DCAF17: variants seen among roughly 807,000 people sequenced by gnomAD.
The protein encoded by DCAF17 is DDB1 and CUL4 associated factor 17, also known as DDB1- and CUL4-associated factor 17.
DCAF17 carries 48 observed loss-of-function variants against 66.0 expected under a neutral mutation model. That is an observed-to-expected ratio of 0.73 (90% CI 0.58 to 0.92). The LOEUF (loss-of-function observed/expected upper bound fraction) is 0.92, where lower values mean the gene tolerates loss of function less well. Among genes scored for constraint, DCAF17 ranks in the 40% least tolerant of loss-of-function variants. DCAF17 has a pLI of 0.00. For synonymous variants in DCAF17, 206 were observed against 214.6 expected (o/e 0.96, Z 0.35); for missense variants, 562 against 622.8 (o/e 0.90, Z 1.04).
chr2:171,477,179 G>C (rs1477650081), intron 11 of DCAF17, among the ~76,000 whole-genome samples: 7 of 151,964 alleles, frequency 4.6e-5, no homozygotes, highest in African/African-American at 1.5e-4. Context: ...CTTCTTTTCT[G>C]AGTTTCCTTT....
rs1243103584 is a variant in DCAF17 at position 171,443,564 on chromosome 2, G to T, written c.272G>T (p.Cys91Phe). Residue 91 changes from cysteine (C) to phenylalanine (F), a missense_variant, in exon 3 of 14, where the codon TGT becomes TTT. By Grantham distance (205) the Cys-to-Phe change is radical. This residue lies in a region of DCAF17 where 348 missense variants were observed against 355.9 expected (regional missense o/e 0.98). Transcript: ENST00000375255. ...EPRKLYEMPK[C>F]SKSEKIEDAL... ...AGAAAACTTTATGAAATGCCAAAATGTTCCAAATCAGAAAAAATAGAGGAT... is the reference window on the plus strand; with the variant it reads ...AGAAAACTTTATGAAATGCCAAAATTTTCCAAATCAGAAAAAATAGAGGAT... 1.9e-6 allele frequency: 3 copies of T among 1,612,892 alleles called. No individual in the cohort carries two copies. In the Admixed American group the frequency reaches 5.0e-5, roughly 27 times the overall value.
At chr2:171,443,642 C>T in intron 3 of DCAF17, 29 bp downstream of exon 3, 2 of 1,582,098 alleles carry the variant, frequency 1.3e-6, no homozygotes, top group Non-Finnish European at 1.7e-6. Flanking sequence ...GCGTTTGTTT[C>T]TAAAGCATTT....
At position 171,483,095 on chromosome 2, in the gene DCAF17, A is replaced by G. The variant is rs1455531597; in HGVS notation, c.*1981A>G. The G allele has an allele frequency of 2.2e-6, 1 of 454,130 alleles. No homozygotes were observed. The highest frequency in any genetic ancestry group is 4.4e-6 in the Non-Finnish European group (1 of 226,792). The allele number at this position is 454,130 out of a possible 1,614,324, so 28.1% of individuals were successfully genotyped here. A position where few individuals can be genotyped will look rare whatever the true frequency, so the allele number is the denominator to read the frequency against. On this transcript the variant is annotated 3_prime_UTR_variant, in exon 14 of 14. Coordinates refer to ENST00000375255, the MANE Select transcript of DCAF17 (RefSeq NM_025000.4). ...ACAAGATAGATGGTAAAAAGATGCCAGAAGATACAGAAGATAGCAAAGAAT... is the reference window on the plus strand; with the variant it reads ...ACAAGATAGATGGTAAAAAGATGCCGGAAGATACAGAAGATAGCAAAGAAT...
intron 5 of DCAF17, among the ~76,000 whole-genome samples, chr2:171,450,848 C>G (rs1474921535): frequency 1.3e-5 from 2 of 151,930 alleles, no homozygotes; most frequent in African/African-American, 4.8e-5. Flanking sequence ...TTTTATCATC[C>G]CATTTTACAG....
At chr2:171,434,887 C>A in intron 1 of DCAF17, 184 bp downstream of exon 1, 1 of 1,089,560 alleles carries the variant, frequency 9.2e-7, no homozygotes, top group Non-Finnish European at 1.3e-6. Context: ...TTTAGTTTTA[C>A]GCTTCTTATG....
intron 6 of DCAF17, 75 bp from the exon 7 acceptor site, chr2:171,457,896 A>G: frequency 8.6e-7 from 1 of 1,158,094 alleles, no homozygotes; most frequent in South Asian, 1.2e-5. Context: ...AAGCAAGAGT[A>G]CAAACCACTG....
In DCAF17 at chr2:171,483,768, ATTATC is replaced by A; in HGVS notation, c.*2657_*2661del. On this transcript the variant is annotated 3_prime_UTR_variant, in exon 14 of 14. Coordinates refer to ENST00000375255, the MANE Select transcript of DCAF17 (RefSeq NM_025000.4). ...ATAACCACATGAAGTATGAACTGCC[ATTATC>A]TTTCCCCTTTGTACAAATGAGGAAA... 2.2e-6 allele frequency: 1 copy of A among 454,088 alleles called. No homozygotes were observed. The highest frequency in any genetic ancestry group is 1.6e-5 in the South Asian group (1 of 64,472). The allele number at this position is 454,088 out of a possible 1,614,324, so 28.1% of individuals were successfully genotyped here.
rs373435062 is a variant in DCAF17, at chr2:171,468,890, A to G, written c.841A>G (p.Met281Val). The G allele has an allele frequency of 6.2e-6, 10 of 1,614,024 alleles. No individual in the cohort carries two copies. The highest frequency in any genetic ancestry group is 3.3e-5 in the Admixed American group (2 of 60,004). ...GIPCNIKITD[M>V]PPLLFEVSSL... Reference sequence around the variant, plus strand: ...AATTCCTTTTCCTGTCTCTACAGACATGCCACCACTGCTCTTTGAGGTGTC... The same window carrying G: ...AATTCCTTTTCCTGTCTCTACAGACGTGCCACCACTGCTCTTTGAGGTGTC... Residue 281 changes from methionine to valine, a missense_variant and splice_region_variant, in exon 9 of 14, where the codon ATG becomes GTG. By Grantham distance (21) the Met-to-Val change is conservative. Transcript: ENST00000375255.
At chr2:171,435,547 CTTT>C (rs35241834) in intron 2 of DCAF17, among the ~76,000 whole-genome samples, 3 of 136,534 alleles carry the variant, frequency 2.2e-5, no homozygotes, top group Non-Finnish European at 3.2e-5. Context: ...AAGTACTTGC[CTTT>C]TTTTTTTTTT....
intron 6 of DCAF17, 52 bp from the exon 7 acceptor site, chr2:171,457,919 G>A (rs1430923688): frequency 7.3e-7 from 1 of 1,368,686 alleles, no homozygotes; most frequent in Non-Finnish European, 1.0e-6. Context: ...AACATTCAGA[G>A]GATTGGACTT....
intron 9 of DCAF17, chr2:171,473,084 T>C (rs1359080344): frequency 6.2e-6 from 1 of 162,134 alleles, no homozygotes; most frequent in Non-Finnish European, 1.4e-5. Flanking sequence ...TTTCCTCAGA[T>C]ATTAGAGTTC....
chr2:171,449,816 T>C, intron 4 of DCAF17, 63 bp from the exon 5 acceptor site: 1 of 1,018,500 alleles, frequency 9.8e-7, no homozygotes, highest in Non-Finnish European at 1.5e-6. Context: ...AAATATAATA[T>C]TTTGGTTTTA....
rs1397798969 is a variant in DCAF17 at position 171,457,637 on chromosome 2, G to A, written c.628-334G>A. Among the ~76,000 whole-genome samples the A allele has an allele frequency of 4.6e-5, 7 of 152,158 alleles. No homozygotes were observed. In the South Asian group the frequency reaches 1.0e-3, roughly 23 times the overall value. Reference sequence around the variant, plus strand: ...AGTAGATTAAATATTCATTTAGAACGACATGGCCTTGGTGTATGCCAGTGT... The same window carrying A: ...AGTAGATTAAATATTCATTTAGAACAACATGGCCTTGGTGTATGCCAGTGT... On this transcript the variant is annotated intron_variant, in intron 6 of 13. Coordinates refer to ENST00000375255, the MANE Select transcript of DCAF17 (RefSeq NM_025000.4).
chr2:171,473,921 A>G lies in DCAF17; in HGVS notation c.1037A>G (p.Tyr346Cys), dbSNP rs371616391. ...TGTTCTCTAGAATCTGACTGGATCTATTTCCATCCTGATGCTTCTGGTAGA... is the reference window on the plus strand; with the variant it reads ...TGTTCTCTAGAATCTGACTGGATCTGTTTCCATCCTGATGCTTCTGGTAGA... The part of the protein sequence containing the change: ...DCCSLESDWI[Y>C]FHPDASGRII... Residue 346 changes from tyrosine (Y) to cysteine (C), a missense_variant, in exon 10 of 14, where the codon TAT (tyrosine) becomes TGT (cysteine). This residue lies in a region of DCAF17 where 201 missense variants were observed against 231.1 expected (regional missense o/e 0.87). Coordinates refer to ENST00000375255, the MANE Select transcript of DCAF17 (RefSeq NM_025000.4). 4.3e-6 allele frequency: 7 copies of G among 1,613,900 alleles called. No individual in the cohort carries two copies. Among genetic ancestry groups the G allele is most frequent in the Non-Finnish European group, 5.1e-6 (6 of 1,179,894 alleles).
chr2:171,453,299 T>C (rs1695061885), intron 6 of DCAF17, 86 bp downstream of exon 6: 1 of 1,015,736 alleles, frequency 9.8e-7, no homozygotes. Flanking sequence ...AGATATTTGA[T>C]TGGAAATGCT....
At position 171,440,923 on chromosome 2, in the gene DCAF17, C is replaced by T. The variant is rs117209863; in HGVS notation, c.231-2600C>T. Reference sequence around the variant, plus strand: ...GCATTTTTCGTGCTATGAGGACAGACGGGTGGCACTTCCAGGCTGTTTTCG... The same window carrying T: ...GCATTTTTCGTGCTATGAGGACAGATGGGTGGCACTTCCAGGCTGTTTTCG... On this transcript the variant is annotated intron_variant, in intron 2 of 13. Transcript: ENST00000375255. 6.3e-4 allele frequency among the ~76,000 whole-genome samples: 96 copies of T among 152,260 alleles called. No individual in the cohort carries two copies. The East Asian group carries it at 0.017, about 27-fold the overall frequency.
rs1246755430 is a variant in DCAF17, at chr2:171,458,010, A to C, written c.667A>C (p.Ile223Leu). ...TACAGATGCTACCTTGTCTCATGGA[A>C]TACTGATTGTGATGTACAGCTCAGG... ...NVTDATLSHG[I>L]LIVMYSSGLV... Residue 223 changes from isoleucine to leucine, a missense_variant, in exon 7 of 14, where the codon ATA becomes CTA. This residue lies in a region of DCAF17 where 348 missense variants were observed against 355.9 expected (regional missense o/e 0.98). Transcript: ENST00000375255. 1 of 1,613,990 alleles carries C rather than the reference A, an allele frequency of 6.2e-7. No homozygotes were observed. Among genetic ancestry groups the C allele is most frequent in the Non-Finnish European group, 8.5e-7 (1 of 1,179,984 alleles).
At position 171,465,311 on chromosome 2, in the gene DCAF17, G is replaced by A. The variant is rs115493043; in HGVS notation, c.839-3577G>A. Among the ~76,000 whole-genome samples, 227 of 152,178 alleles carry A rather than the reference G, an allele frequency of 1.5e-3. 4 individuals are homozygous for A. The East Asian group carries it at 0.016, about 11-fold the overall frequency. ...CACATGGAGTGATGTGTTCAAAGGC[G>A]ATTTGAAATCATTTTTCTATAGGAT... On this transcript the variant is annotated intron_variant, in intron 8 of 13. Transcript: ENST00000375255.
chr2:171,451,160 C>CT (rs1694928896), intron 5 of DCAF17, among the ~76,000 whole-genome samples: 1 of 152,008 alleles, frequency 6.6e-6, no homozygotes, highest in Admixed American at 6.6e-5. Flanking sequence ...GTGAACTCTG[C>CT]TTTTCATTCC....
Sources: gnomAD v4.1 joint callset for allele counts (sites outside exome capture counted in the v4.1 genomes callset) on GRCh38, gnomAD v4.1.1 for gene constraint, gnomAD v4.1.1 regional missense constraint, MANE v1.5 for transcripts, NCBI Gene and HGNC (gene_info 2026-07-23, HGNC 2026-07-21) for gene names.